The following NKAIN2 variants were observed in gnomAD, a reference collection of about 807,000 sequenced individuals.
NKAIN2 encodes the protein sodium/potassium transporting ATPase interacting 2.
A neutral mutation model predicts 32.6 loss-of-function variants in NKAIN2; 14 were observed. That is an observed-to-expected ratio of 0.43 (90% confidence interval 0.28 to 0.67). NKAIN2 has a LOEUF of 0.67. NKAIN2 is among the 30% of genes least tolerant of loss of function. The probability of loss-of-function intolerance (pLI) is 0.17; values close to 1 mark genes in which losing one functional copy is unlikely to be tolerated. For missense variants in NKAIN2, 198 were observed against 258.3 expected, an observed-to-expected ratio of 0.77 and a Z score of 1.60; for synonymous variants, 80 against 87.2, an observed-to-expected ratio of 0.92 and a Z score of 0.46.
chr6:124,124,293 A>G (rs1562371737), intron 1 of NKAIN2, among the ~76,000 whole-genome samples: 2 of 152,142 alleles, frequency 1.3e-5, no homozygotes, highest in South Asian at 4.1e-4. Flanking sequence ...CTTGATTTCC[A>G]GTAGCTACCT....
At chr6:124,739,972 G>C (rs1225154503) in intron 4 of NKAIN2, among the ~76,000 whole-genome samples, 2 of 151,846 alleles carry the variant, frequency 1.3e-5, no homozygotes, top group Non-Finnish European at 2.9e-5. Flanking sequence ...CTCTGGTGTT[G>C]GGAGTGCCCC....
intron 3 of NKAIN2, among the ~76,000 whole-genome samples, chr6:124,457,542 A>G (rs755836570): frequency 6.6e-6 from 1 of 151,956 alleles, no homozygotes; most frequent in Non-Finnish European, 1.5e-5. Context: ...CTTAGGGACT[A>G]TATTTTTCGT....
At chr6:124,243,178 G>A (rs1451898069) in intron 1 of NKAIN2, among the ~76,000 whole-genome samples, 1 of 152,000 alleles carries the variant, frequency 6.6e-6, no homozygotes, top group Non-Finnish European at 1.5e-5. Flanking sequence ...GAAACAGGAG[G>A]TAAAGAGGGG....
chr6:124,389,320 A>C (rs1388268080), intron 3 of NKAIN2, among the ~76,000 whole-genome samples: 1 of 152,090 alleles, frequency 6.6e-6, no homozygotes, highest in Non-Finnish European at 1.5e-5. Context: ...CCTATTAAAT[A>C]GCTCCTCCTA....
intron 4 of NKAIN2, among the ~76,000 whole-genome samples, chr6:124,701,421 G>A (rs929448151): frequency 2.0e-5 from 3 of 152,010 alleles, no homozygotes; most frequent in African/African-American, 4.8e-5. Context: ...ATACTCAGAA[G>A]AGTATTAAGT....
chr6:124,801,295 T>C (rs570831239), intron 5 of NKAIN2, among the ~76,000 whole-genome samples: 3 of 152,322 alleles, frequency 2.0e-5, no homozygotes, highest in Admixed American at 2.0e-4. Flanking sequence ...TTTTAAATAT[T>C]ATATTGCTAA....
intron 3 of NKAIN2, among the ~76,000 whole-genome samples, chr6:124,437,682 T>C (rs922127060): frequency 6.6e-6 from 1 of 152,100 alleles, no homozygotes; most frequent in African/African-American, 2.4e-5. Context: ...AAACTTAGAA[T>C]AGAAACTGGC....
intron 3 of NKAIN2, among the ~76,000 whole-genome samples, chr6:124,381,634 T>G (rs1461635930): frequency 1.3e-5 from 2 of 152,182 alleles, no homozygotes; most frequent in African/African-American, 4.8e-5. Flanking sequence ...AACACTGAAT[T>G]GTAGACTTGA....
At chr6:124,426,089 C>T (rs1417500306) in intron 3 of NKAIN2, among the ~76,000 whole-genome samples, 1 of 152,110 alleles carries the variant, frequency 6.6e-6, no homozygotes, top group Non-Finnish European at 1.5e-5. Flanking sequence ...TGTCTTCTCC[C>T]TTGGAATATG....
At position 123,921,933 on chromosome 6, in the gene NKAIN2, A is replaced by G. The variant is rs9491000; in HGVS notation, c.54+117679A>G. Among the ~76,000 whole-genome samples the G allele has an allele frequency of 5.1e-3, 759 of 148,094 alleles. 10 individuals are homozygous for G. The highest frequency in any genetic ancestry group is 0.016 in the African/African-American group (651 of 40,890). On this transcript the variant is annotated intron_variant, in intron 1 of 6. Coordinates refer to ENST00000368417, the MANE Select transcript of NKAIN2 (RefSeq NM_001040214.3). ...GCAACAGAGTGAGACTCTGTCTCCA[A>G]AAAAAAAAAAATGCCTAATGTTGAT...
intron 2 of NKAIN2, among the ~76,000 whole-genome samples, chr6:124,323,604 G>A (rs958427139): frequency 2.0e-5 from 3 of 151,886 alleles, no homozygotes; most frequent in South Asian, 2.1e-4. Flanking sequence ...AGGCATGTTC[G>A]TGTGGGGCAT....
chr6:124,562,855 T>A (rs1407840927), intron 3 of NKAIN2, among the ~76,000 whole-genome samples: 1 of 151,784 alleles, frequency 6.6e-6, no homozygotes, highest in Non-Finnish European at 1.5e-5. Context: ...CGCTGTATAC[T>A]CAAGGAGAAA....
rs553607427 is a variant in NKAIN2, at chr6:124,500,514, C to T, written c.273+145167C>T. Among the ~76,000 whole-genome samples the T allele has an allele frequency of 7.2e-5, 11 of 151,812 alleles. No individual in the cohort carries two copies. The East Asian group carries it at 7.8e-4, about 11-fold the overall frequency. On this transcript the variant is annotated intron_variant, in intron 3 of 6. Coordinates refer to ENST00000368417, the MANE Select transcript of NKAIN2 (RefSeq NM_001040214.3). The stretch of plus-strand genomic sequence containing the variant: ...CAAAAAAGTACAAAAATTAGCTGGG[C>T]GCAATTGCTCATGGCTGTGGTCTCA...
At chr6:123,938,619 T>C (rs1226505506) in intron 1 of NKAIN2, among the ~76,000 whole-genome samples, 3 of 141,810 alleles carry the variant, frequency 2.1e-5, no homozygotes, top group Admixed American at 7.5e-5. Context: ...TTATATATTA[T>C]ATATATTTTA....
At chr6:124,570,696 C>G (rs1021895373) in intron 3 of NKAIN2, among the ~76,000 whole-genome samples, 28 of 152,324 alleles carry the variant, frequency 1.8e-4, no homozygotes, top group Middle Eastern at 3.4e-3. Context: ...GCTGCAGGGG[C>G]AGGGCCCTCA....
At chr6:123,904,291 G>A (rs1321612159) in intron 1 of NKAIN2, among the ~76,000 whole-genome samples, 1 of 152,038 alleles carries the variant, frequency 6.6e-6, no homozygotes, top group Non-Finnish European at 1.5e-5. Flanking sequence ...TCTGATTTAG[G>A]AACCGAATGT....
chr6:123,866,025 G>GTA (rs1394680067), intron 1 of NKAIN2, among the ~76,000 whole-genome samples: 1 of 152,170 alleles, frequency 6.6e-6, no homozygotes. Context: ...TACCCATGAA[G>GTA]GATACCATAG....
intron 1 of NKAIN2, among the ~76,000 whole-genome samples, chr6:123,922,381 T>A (rs1209766882): frequency 6.6e-6 from 1 of 152,206 alleles, no homozygotes; most frequent in African/African-American, 2.4e-5. Context: ...GGGAATGAAA[T>A]GTTTTACATA....
chr6:124,039,292 T>A (rs921575548), intron 1 of NKAIN2, among the ~76,000 whole-genome samples: 64 of 152,020 alleles, frequency 4.2e-4, no homozygotes, highest in African/African-American at 1.4e-3. Context: ...ATAGGGCATG[T>A]AGCCCTCAGC....
Sources: allele counts gnomAD v4.1 joint callset (sites outside exome capture counted in the v4.1 genomes callset), GRCh38; gene constraint gnomAD v4.1.1; transcripts MANE v1.5; gene names NCBI Gene and HGNC (gene_info 2026-07-23, HGNC 2026-07-21).